ZNF407: variants seen among roughly 807,000 people sequenced by gnomAD.
ZNF407 encodes the protein zinc finger protein 407.
In ZNF407, 17 loss-of-function variants were observed where a neutral mutation model predicts 131.2. The observed-to-expected ratio is 0.13, with a 90% CI of 0.09 to 0.19. The LOEUF is 0.19. Ranked by LOEUF, ZNF407 falls within the 10% of genes least tolerant of loss-of-function variation. ZNF407 has a pLI of 1.00. For missense variants in ZNF407, 2,681 were observed against 2,830.6 expected (o/e 0.95, Z 1.20); for synonymous variants, 1,156 against 1,062.0 (o/e 1.09, Z -1.72).
At chr18:74,951,313 C>A (rs1240711790) in intron 8 of ZNF407, among the ~76,000 whole-genome samples, 1 of 152,206 alleles carries the variant, frequency 6.6e-6, no homozygotes, top group South Asian at 2.1e-4. Flanking sequence ...AAAGGCTTGC[C>A]CTTGGTGTGG....
intron 3 of ZNF407, among the ~76,000 whole-genome samples, chr18:74,740,062 G>GT (rs1333362977): frequency 6.6e-6 from 1 of 152,142 alleles, no homozygotes; most frequent in African/African-American, 2.4e-5. Context: ...ACAACAGATT[G>GT]TTTTTTCACA....
At chr18:75,043,618 C>G (rs1356101954) in intron 8 of ZNF407, among the ~76,000 whole-genome samples, 1 of 152,228 alleles carries the variant, frequency 6.6e-6, no homozygotes, top group Non-Finnish European at 1.5e-5. Context: ...CTCTATTAAA[C>G]ATGTTTCCTG....
chr18:75,029,609 G>A (rs1052714974), intron 8 of ZNF407, among the ~76,000 whole-genome samples: 1 of 152,176 alleles, frequency 6.6e-6, no homozygotes, highest in African/African-American at 2.4e-5. Context: ...GTGCATGGGT[G>A]TGTGTGCCTG....
intron 1 of ZNF407, among the ~76,000 whole-genome samples, chr18:74,609,612 T>C (rs1376955183): frequency 1.3e-5 from 2 of 152,188 alleles, no homozygotes; most frequent in Non-Finnish European, 2.9e-5. Flanking sequence ...GGTGAGAGAA[T>C]GCGAAGGCCT....
At chr18:75,049,044 A>C (rs1181313038) in intron 8 of ZNF407, among the ~76,000 whole-genome samples, 1 of 117,942 alleles carries the variant, frequency 8.5e-6, no homozygotes, top group East Asian at 2.9e-4. Flanking sequence ...GTGAGTGCTC[A>C]TGGCCACCTC....
At chr18:74,883,841 G>A (rs2145188796) in intron 6 of ZNF407, among the ~76,000 whole-genome samples, 1 of 152,298 alleles carries the variant, frequency 6.6e-6, no homozygotes, top group Non-Finnish European at 1.5e-5. Context: ...CAAGATTACT[G>A]CTTGTAACGG....
At chr18:75,012,729 T>C (rs971030190) in intron 8 of ZNF407, among the ~76,000 whole-genome samples, 7 of 151,940 alleles carry the variant, frequency 4.6e-5, no homozygotes, top group Non-Finnish European at 1.0e-4. Flanking sequence ...TATTAGGCAA[T>C]TCCATTTTTT....
chr18:74,762,651 A>G (rs1205649949), intron 3 of ZNF407, among the ~76,000 whole-genome samples: 2 of 151,332 alleles, frequency 1.3e-5, no homozygotes, highest in Non-Finnish European at 2.9e-5. Context: ...TTGCATTTTT[A>G]GAGTTCTTTG....
intron 1 of ZNF407, among the ~76,000 whole-genome samples, chr18:74,612,163 T>C (rs1324493718): frequency 1.3e-5 from 2 of 152,164 alleles, no homozygotes; most frequent in Admixed American, 6.6e-5. Context: ...GTTTTTTCCC[T>C]TTTTTTAAAG....
intron 4 of ZNF407, among the ~76,000 whole-genome samples, chr18:74,798,185 ATTCT>A (rs1372218676): frequency 7.2e-6 from 1 of 138,264 alleles, no homozygotes; most frequent in Non-Finnish European, 1.5e-5. Flanking sequence ...TTTTACAGGT[ATTCT>A]TTCTTTCTTC....
chr18:74,769,126 A>G (rs1297863155), intron 3 of ZNF407, among the ~76,000 whole-genome samples: 1 of 152,132 alleles, frequency 6.6e-6, no homozygotes, highest in African/African-American at 2.4e-5. Context: ...AACCCTAGGG[A>G]AGAGAGATAA....
intron 3 of ZNF407, among the ~76,000 whole-genome samples, chr18:74,685,310 G>A (rs149428433): frequency 8.7e-4 from 133 of 152,168 alleles, no homozygotes; most frequent in African/African-American, 3.1e-3. Flanking sequence ...GAAGAGATGT[G>A]GTTATGTGTT....
At chr18:75,008,934 T>G (rs1422673229) in intron 8 of ZNF407, among the ~76,000 whole-genome samples, 1 of 152,200 alleles carries the variant, frequency 6.6e-6, no homozygotes, top group Non-Finnish European at 1.5e-5. Flanking sequence ...TTATCTCATG[T>G]TCAATTCTCA....
At chr18:74,913,066 TG>T (rs1378854052) in intron 7 of ZNF407, among the ~76,000 whole-genome samples, 6 of 152,318 alleles carry the variant, frequency 3.9e-5, no homozygotes, top group African/African-American at 1.4e-4. Context: ...CCCCCTACCT[TG>T]ACAAGCGTGT....
intron 4 of ZNF407, among the ~76,000 whole-genome samples, chr18:74,807,224 G>A (rs529019146): frequency 3.3e-5 from 5 of 152,238 alleles, no homozygotes; most frequent in Admixed American, 3.3e-4. Flanking sequence ...TGATGAGAAA[G>A]GCAGCATTAA....
intron 3 of ZNF407, among the ~76,000 whole-genome samples, chr18:74,687,983 A>T (rs1366689927): frequency 6.6e-6 from 1 of 152,176 alleles, no homozygotes; most frequent in Non-Finnish European, 1.5e-5. Flanking sequence ...ATTAGGCTTT[A>T]AAAAATTAAT....
intron 7 of ZNF407, among the ~76,000 whole-genome samples, chr18:74,906,811 G>A (rs914058050): frequency 6.6e-6 from 1 of 152,022 alleles, no homozygotes; most frequent in African/African-American, 2.4e-5. Context: ...ATATGTGCTT[G>A]TATGTCTGTA....
At chr18:74,683,262 AC>A (rs1967026883) in intron 3 of ZNF407, among the ~76,000 whole-genome samples, 1 of 152,174 alleles carries the variant, frequency 6.6e-6, no homozygotes, top group Non-Finnish European at 1.5e-5. Context: ...TCAGAGACTT[AC>A]GCTTTTGATT....
chr18:74,684,593 C>G (rs1224911988), intron 3 of ZNF407, among the ~76,000 whole-genome samples: 1 of 152,110 alleles, frequency 6.6e-6, no homozygotes, highest in Non-Finnish European at 1.5e-5. Flanking sequence ...AGATTGTAAA[C>G]TGAGTATCGT....
Sources: allele counts gnomAD v4.1 joint callset (sites outside exome capture counted in the v4.1 genomes callset), GRCh38; gene constraint gnomAD v4.1.1; transcripts MANE v1.5; gene names NCBI Gene and HGNC (gene_info 2026-07-23, HGNC 2026-07-21).